EXT2: variants seen among roughly 807,000 people sequenced by gnomAD.
The protein encoded by EXT2 is exostosin-2.
Under a neutral mutation model 81.6 loss-of-function variants are expected in EXT2, and 53 were observed. The observed-to-expected ratio is 0.65, with a 90% CI of 0.52 to 0.82. The LOEUF (loss-of-function observed/expected upper bound fraction) is 0.82, where lower values mean the gene tolerates loss of function less well. EXT2 is among the 40% of genes least tolerant of loss of function. The pLI, the probability that EXT2 is intolerant of heterozygous loss-of-function variation, is 0.00. For synonymous variants in EXT2, 320 were observed against 340.0 expected (o/e 0.94, Z 0.65); for missense variants, 774 against 910.2 (o/e 0.85, Z 1.93).
chr11:44,203,497 T>C (rs1955545043), intron 9 of EXT2, among the ~76,000 whole-genome samples: 1 of 152,134 alleles, frequency 6.6e-6, no homozygotes, highest in Non-Finnish European at 1.5e-5. Flanking sequence ...AGGAGTGTTA[T>C]TGAACTTGCT....
intron 10 of EXT2, among the ~76,000 whole-genome samples, chr11:44,207,601 GAGGCCTGC>G (rs1315039856): frequency 3.3e-5 from 5 of 152,196 alleles, no homozygotes; most frequent in Non-Finnish European, 7.3e-5. Flanking sequence ...ACAACAGGCG[GAGGCCTGC>G]GGCTGCGGGT....
chr11:44,157,618 C>T (rs539129823), intron 7 of EXT2, among the ~76,000 whole-genome samples: 10 of 152,298 alleles, frequency 6.6e-5, no homozygotes, highest in East Asian at 3.9e-4. Context: ...TCGCTCCCTT[C>T]GGGGCAGCAG....
intron 9 of EXT2, among the ~76,000 whole-genome samples, chr11:44,201,118 G>C (rs1281287080): frequency 6.6e-6 from 1 of 152,128 alleles, no homozygotes. Context: ...GTCTGTTATA[G>C]GTTCACAGGA....
intron 7 of EXT2, among the ~76,000 whole-genome samples, chr11:44,160,630 G>C (rs961279880): frequency 2.0e-5 from 3 of 152,196 alleles, no homozygotes. Flanking sequence ...GAGAAGTTTA[G>C]ATATGTTAAG....
At chr11:44,129,160 T>C (rs1457675490) in intron 6 of EXT2, among the ~76,000 whole-genome samples, 1 of 152,228 alleles carries the variant, frequency 6.6e-6, no homozygotes, top group African/African-American at 2.4e-5. Flanking sequence ...CTTGCCTGGC[T>C]TTTGCAGTGT....
chr11:44,207,314 C>T (rs1399958537), intron 10 of EXT2, among the ~76,000 whole-genome samples: 1 of 152,242 alleles, frequency 6.6e-6, no homozygotes, highest in Non-Finnish European at 1.5e-5. Flanking sequence ...ACAATAAAAA[C>T]ATCAATAAGT....
At chr11:44,097,077 T>C (rs1268292213) in intron 1 of EXT2, among the ~76,000 whole-genome samples, 2 of 152,226 alleles carry the variant, frequency 1.3e-5, no homozygotes, top group Admixed American at 6.5e-5. Context: ...TTGTGTAATA[T>C]TGGGCCAGGT....
intron 4 of EXT2, among the ~76,000 whole-genome samples, chr11:44,124,454 C>CAA (rs1954367102): frequency 1.3e-5 from 2 of 151,398 alleles, no homozygotes; most frequent in Admixed American, 1.3e-4. Flanking sequence ...TACACACACA[C>CAA]ACACACACAC....
rs999963025 is a variant in EXT2, at chr11:44,251,661, T to G, written c.*7374T>G. Among the ~76,000 whole-genome samples, 2 of 152,240 alleles carry G rather than the reference T, an allele frequency of 1.3e-5. No individual in the cohort carries two copies. Among genetic ancestry groups the G allele is most frequent in the African/African-American group, 2.4e-5 (1 of 41,464 alleles). ...GAGAATTGCATCTGACAACAAAATT[T>G]AATTTACTTCCAGAGAAAGGACCAG... On this transcript the variant is annotated 3_prime_UTR_variant, in exon 14 of 14. Transcript: ENST00000533608.
intron 8 of EXT2, among the ~76,000 whole-genome samples, chr11:44,174,168 C>T (rs759596145): frequency 6.6e-6 from 1 of 152,156 alleles, no homozygotes; most frequent in Non-Finnish European, 1.5e-5. Context: ...AGACTGATAT[C>T]TTTGTCGAGT....
At chr11:44,139,024 C>T (rs1590585317) in intron 7 of EXT2, among the ~76,000 whole-genome samples, 1 of 151,976 alleles carries the variant, frequency 6.6e-6, no homozygotes, top group South Asian at 2.1e-4. Flanking sequence ...TATGCATTTG[C>T]TTCTGGGCTT....
intron 13 of EXT2, among the ~76,000 whole-genome samples, chr11:44,238,302 C>A: frequency 6.6e-6 from 1 of 152,146 alleles, no homozygotes; most frequent in South Asian, 2.1e-4. Flanking sequence ...CTCATCTCAG[C>A]CACCTGAGTA....
intron 8 of EXT2, among the ~76,000 whole-genome samples, chr11:44,183,218 C>T (rs948386079): frequency 4.6e-5 from 7 of 152,134 alleles, no homozygotes; most frequent in Non-Finnish European, 1.0e-4. Context: ...AATGTCATGC[C>T]AAGTTACTAC....
chr11:44,108,748 C>G (rs543351723), intron 2 of EXT2, among the ~76,000 whole-genome samples: 1 of 152,290 alleles, frequency 6.6e-6, no homozygotes, highest in Admixed American at 6.5e-5. Context: ...TGGGATCACA[C>G]AGTACATACT....
rs1338373243 is a variant in EXT2, at chr11:44,095,917, G to T, written c.-31+65G>T. 4 of 280,744 alleles carry T rather than the reference G, an allele frequency of 1.4e-5. No individual in the cohort carries two copies. In the East Asian group the frequency reaches 3.1e-4, roughly 22 times the overall value. 17.4% of individuals were successfully genotyped at this position (280,744 alleles called of 1,614,324 possible). ...GAAGCGAGGGCTCGGGCCTCCGGGG[G>T]CCGCTGCTGGGTCGGGACAAGGGCC... On this transcript the variant is annotated intron_variant, in intron 1 of 13. Coordinates refer to ENST00000533608, the MANE Select transcript of EXT2 (RefSeq NM_207122.2).
At chr11:44,151,506 C>T (rs7127308) in intron 7 of EXT2, among the ~76,000 whole-genome samples, 99,752 of 151,954 alleles carry the variant, frequency 0.66, 33,104 homozygotes, top group East Asian at 0.9. Context: ...GCTTCTTTTA[C>T]TTAGTAATAT....
intron 3 of EXT2, among the ~76,000 whole-genome samples, chr11:44,111,007 A>G (rs146902906): frequency 2.9e-4 from 44 of 152,322 alleles, no homozygotes; most frequent in African/African-American, 9.6e-4. Flanking sequence ...CTGGATTCAA[A>G]GGAGGCAAGA....
intron 3 of EXT2, among the ~76,000 whole-genome samples, chr11:44,110,832 A>G (rs1954132426): frequency 6.6e-6 from 1 of 152,170 alleles, no homozygotes; most frequent in South Asian, 2.1e-4. Flanking sequence ...CTATGCATGT[A>G]TTTTTGTAAG....
chr11:44,130,014 T>C, intron 6 of EXT2, 31 bp from the exon 7 acceptor site: 1 of 1,528,496 alleles, frequency 6.5e-7, no homozygotes, highest in Non-Finnish European at 9.1e-7. Context: ...AAGGGCTGTG[T>C]GTATGTAAAC....
Sources: gnomAD v4.1 joint callset for allele counts (sites outside exome capture counted in the v4.1 genomes callset) on GRCh38, gnomAD v4.1.1 for gene constraint, MANE v1.5 for transcripts, NCBI Gene and HGNC (gene_info 2026-07-23, HGNC 2026-07-21) for gene names.